GRAMD4: variants seen among roughly 807,000 people sequenced by gnomAD.
GRAMD4 encodes the protein GRAM domain-containing protein 4.
In GRAMD4, 25 loss-of-function variants were observed where a neutral mutation model predicts 83.9. The observed-to-expected ratio is 0.30, with a 90% CI of 0.22 to 0.42. The LOEUF (loss-of-function observed/expected upper bound fraction) is 0.42. GRAMD4 is among the 10% of genes least tolerant of loss of function. The pLI is 1.00. For missense variants in GRAMD4, 593 were observed against 788.7 expected (o/e 0.75, Z 2.97); for synonymous variants, 336 against 320.9 (o/e 1.05, Z -0.50).
chr22:46,603,794 G>C (rs550591554), intron 1 of GRAMD4, among the ~76,000 whole-genome samples: 145 of 151,946 alleles, frequency 9.5e-4, no homozygotes, highest in African/African-American at 3.1e-3. Flanking sequence ...GGGATTACAG[G>C]CGTGACCACC....
intron 2 of GRAMD4, among the ~76,000 whole-genome samples, chr22:46,632,760 G>A (rs532271462): frequency 3.3e-5 from 5 of 152,240 alleles, no homozygotes; most frequent in Non-Finnish European, 7.3e-5. Flanking sequence ...AGGACTGGGT[G>A]GAGACCGTGG....
upstream of GRAMD4, among the ~76,000 whole-genome samples, chr22:46,615,633 T>C (rs1286512906): frequency 2.9e-5 from 3 of 104,524 alleles, no homozygotes; most frequent in East Asian, 3.4e-4. Context: ...TTCCCCCGTG[T>C]GTAGGTTCCC....
intron 1 of GRAMD4, among the ~76,000 whole-genome samples, chr22:46,588,809 T>G (rs2081177465): frequency 7.4e-6 from 1 of 135,502 alleles, no homozygotes; most frequent in African/African-American, 3.2e-5. Flanking sequence ...GGGCAGAGCC[T>G]GGATGTGGCC....
rs1342640100 is a variant in GRAMD4, at chr22:46,678,804, G to T, written c.*1553G>T. 22 of 986,154 alleles carry T rather than the reference G, an allele frequency of 2.2e-5. No individual in the cohort carries two copies. The highest frequency in any genetic ancestry group is 2.5e-5 in the Non-Finnish European group (21 of 830,088). The allele number at this position is 986,154 out of a possible 1,614,324, so 61.1% of individuals were successfully genotyped here. A position where few individuals can be genotyped will look rare whatever the true frequency, so the allele number is the denominator to read the frequency against. ...TTCACCCCCTTCACGAGGGGCCGCA[G>T]AGTCACACGCTGGTGCCGGGGGTGC... On this transcript the variant is annotated 3_prime_UTR_variant, in exon 19 of 19. Coordinates refer to ENST00000406902, the MANE Select transcript of GRAMD4 (RefSeq NM_015124.5).
chr22:46,600,144 G>A (rs547212284), intron 1 of GRAMD4, among the ~76,000 whole-genome samples: 149 of 152,302 alleles, frequency 9.8e-4, no homozygotes, highest in Non-Finnish European at 2.0e-3. Context: ...TTAAAGGCTG[G>A]TGACACCTGT....
intron 1 of GRAMD4, among the ~76,000 whole-genome samples, chr22:46,579,741 C>G (rs2081079271): frequency 6.6e-6 from 1 of 152,188 alleles, no homozygotes; most frequent in Non-Finnish European, 1.5e-5. Context: ...GTAGCCGAAT[C>G]TACTGGGGTT....
chr22:46,677,375 A>C lies in GRAMD4; in HGVS notation c.*124A>C. 7.0e-7 allele frequency: 1 copy of C among 1,438,708 alleles called. No individual in the cohort carries two copies. Among genetic ancestry groups the C allele is most frequent in the South Asian group, 1.5e-5 (1 of 65,448 alleles). 89.1% of individuals were successfully genotyped at this position (1,438,708 alleles called of 1,614,324 possible). On this transcript the variant is annotated 3_prime_UTR_variant, in exon 19 of 19. Coordinates refer to ENST00000406902, the MANE Select transcript of GRAMD4 (RefSeq NM_015124.5). ...TGAGCTTTTGCAATAATTCTCCTGG[A>C]CCTGTGGTTCTATTGTGTTGACCTC...
chr22:46,663,961 A>G, intron 7 of GRAMD4, 65 bp from the exon 8 acceptor site: 1 of 1,570,112 alleles, frequency 6.4e-7, no homozygotes. Context: ...CCGACTCTCC[A>G]GGGAGACGTG....
At chr22:46,605,173 G>A (rs1361655146) in intron 1 of GRAMD4, among the ~76,000 whole-genome samples, 2 of 151,746 alleles carry the variant, frequency 1.3e-5, no homozygotes, top group African/African-American at 4.8e-5. Context: ...GTGCCATAAT[G>A]TTCTCCGGGT....
At chr22:46,593,111 A>G (rs895242111) in intron 1 of GRAMD4, among the ~76,000 whole-genome samples, 3 of 152,174 alleles carry the variant, frequency 2.0e-5, no homozygotes, top group African/African-American at 7.2e-5. Flanking sequence ...TGTTTGCTTA[A>G]GTAACATCGA....
intron 11 of GRAMD4, 151 bp downstream of exon 11, chr22:46,668,318 C>T (rs1213648919): frequency 2.1e-5 from 13 of 615,976 alleles, no homozygotes; most frequent in East Asian, 5.5e-5. Flanking sequence ...GGTTTGTCCG[C>T]GGTCAGCTGA....
intron 1 of GRAMD4, among the ~76,000 whole-genome samples, chr22:46,626,515 G>A (rs1219991105): frequency 6.6e-6 from 1 of 152,222 alleles, no homozygotes; most frequent in East Asian, 1.9e-4. Flanking sequence ...CCTGATGGGT[G>A]CAGGGCGGGG....
chr22:46,581,514 A>G (rs531903790), intron 1 of GRAMD4, among the ~76,000 whole-genome samples: 5 of 152,330 alleles, frequency 3.3e-5, no homozygotes, highest in Admixed American at 2.6e-4. Context: ...ACCCTCCTCT[A>G]AGGGGGGTTT....
At chr22:46,595,252 C>G (rs1257308500) in intron 1 of GRAMD4, among the ~76,000 whole-genome samples, 1 of 152,156 alleles carries the variant, frequency 6.6e-6, no homozygotes, top group Non-Finnish European at 1.5e-5. Flanking sequence ...CGCAGCGGGT[C>G]TGCACGCCTC....
chr22:46,663,710 C>A, intron 6 of GRAMD4, 128 bp from the exon 7 acceptor site: 1 of 898,650 alleles, frequency 1.1e-6, no homozygotes, highest in Non-Finnish European at 1.8e-6. Flanking sequence ...ATTCTGTGCA[C>A]TCAAGGGGTC....
In GRAMD4 at chr22:46,621,541, G is replaced by A. The variant is rs57536316; in HGVS notation, c.-50+976G>A. ...AGGGCACCCCTACCCCGGTGCAGGC[G>A]CAGGCTGGAGGCGTAGCCCGGGCCC... On this transcript the variant is annotated intron_variant, in intron 1 of 18. Coordinates refer to ENST00000406902, the MANE Select transcript of GRAMD4 (RefSeq NM_015124.5). The surrounding 1 kb of genome is among the most constrained non-coding windows in gnomAD (Gnocchi z 5.8). 2.3e-3 allele frequency among the ~76,000 whole-genome samples: 250 copies of A among 107,440 alleles called. 1 individual carries two copies. In the East Asian group the frequency reaches 0.033, roughly 14 times the overall value. The allele number at this position is 107,440 out of a possible 152,430, so 70.5% of individuals were successfully genotyped here. A position where few individuals can be genotyped will look rare whatever the true frequency, so the allele number is the denominator to read the frequency against.
chr22:46,654,609 G>C (rs1487154872), intron 3 of GRAMD4, among the ~76,000 whole-genome samples: 1 of 152,180 alleles, frequency 6.6e-6, no homozygotes, highest in Admixed American at 6.5e-5. Flanking sequence ...CCCCGTGTTA[G>C]GGCTGTGACA....
In GRAMD4 at chr22:46,678,925, C is replaced by T. The variant is rs754678191; in HGVS notation, c.*1674C>T. The T allele has an allele frequency of 2.0e-4, 202 of 985,730 alleles. No individual in the cohort carries two copies. The highest frequency in any genetic ancestry group is 3.1e-4 in the Admixed American group (5 of 16,268). 61.1% of individuals were successfully genotyped at this position (985,730 alleles called of 1,614,324 possible). A position where few individuals can be genotyped will look rare whatever the true frequency, so the allele number is the denominator to read the frequency against. On this transcript the variant is annotated 3_prime_UTR_variant, in exon 19 of 19. Transcript: ENST00000406902. The stretch of plus-strand genomic sequence containing the variant: ...TGGCTCTGGACTGCGCGGACGTTGG[C>T]GTCAGGATGACCACACGGCGGCCTT...
rs906328947 is a variant in GRAMD4, at chr22:46,677,308, T to C, written c.*57T>C. ...TCTTTTTCTTTTTCTTTTTCTTTTT[T>C]TTTTTTTACGATTTGGTAGTGGAAA... On this transcript the variant is annotated 3_prime_UTR_variant, in exon 19 of 19. Transcript: ENST00000406902. 3 of 1,540,050 alleles carry C rather than the reference T, an allele frequency of 1.9e-6. No homozygotes were observed. Among genetic ancestry groups the C allele is most frequent in the East Asian group, 2.3e-5 (1 of 42,914 alleles).
Sources: allele counts gnomAD v4.1 joint callset (sites outside exome capture counted in the v4.1 genomes callset), GRCh38; gene constraint gnomAD v4.1.1; non-coding constraint Gnocchi (gnomAD v3.1); transcripts MANE v1.5; gene names NCBI Gene and HGNC (gene_info 2026-07-23, HGNC 2026-07-21).